KIF26B: variants seen among roughly 807,000 people sequenced by gnomAD.
KIF26B encodes the protein kinesin family member 26B, also known as kinesin-like protein KIF26B.
A neutral mutation model predicts 151.2 loss-of-function variants in KIF26B; 63 were observed. That is an observed-to-expected ratio of 0.42 (90% CI 0.34 to 0.51). KIF26B has a LOEUF of 0.51. KIF26B is among the 20% of genes least tolerant of loss of function. The pLI is 0.07. For synonymous variants in KIF26B, 1,357 were observed against 1,262.1 expected (o/e 1.08, Z -1.59); for missense variants, 2,813 against 2,913.6 (o/e 0.97, Z 0.79).
At chr1:245,632,711 C>A (rs1435966521) in intron 9 of KIF26B, among the ~76,000 whole-genome samples, 1 of 152,116 alleles carries the variant, frequency 6.6e-6, no homozygotes, top group African/African-American at 2.4e-5. Flanking sequence ...AGTTTGAGAC[C>A]AGCCTGGGCA....
Position 245,688,571 on chromosome 1 carries a change from G to A in KIF26B, c.5588G>A (p.Cys1863Tyr). 1 of 1,559,300 alleles carries A rather than the reference G, an allele frequency of 6.4e-7. No homozygotes were observed. Among genetic ancestry groups the A allele is most frequent in the South Asian group, 1.2e-5 (1 of 84,646 alleles). Reference protein sequence around the residue: ...KITPPRRPHRCSSGHGSDNSS... With the variant: ...KITPPRRPHRYSSGHGSDNSS... ...ACGCCCCCGCGGAGGCCCCACCGCT[G>A]CAGCAGCGGCCACGGCAGCGACAAC... Residue 1863 changes from cysteine (C) to tyrosine (Y), a missense_variant, in exon 12 of 15, where the codon TGC becomes TAC. Coordinates refer to ENST00000407071, the MANE Select transcript of KIF26B (RefSeq NM_018012.4).
intron 12 of KIF26B, among the ~76,000 whole-genome samples, chr1:245,696,961 A>C (rs2044703099): frequency 6.6e-6 from 1 of 152,136 alleles, no homozygotes; most frequent in Non-Finnish European, 1.5e-5. Flanking sequence ...AATACAAAAA[A>C]TTAGCCGTGC....
In KIF26B at chr1:245,688,233, C is replaced by G. The variant is rs768015358; in HGVS notation, c.5250C>G (p.Ala1750=). The G allele has an allele frequency of 1.9e-6, 3 of 1,589,226 alleles. No individual in the cohort carries two copies. The highest frequency in any genetic ancestry group is 2.6e-6 in the Non-Finnish European group (3 of 1,172,658). ...LASPRARGPS[A]STTKTLSFST... ...GCCCCAGAGCGCGCGGCCCGTCCGC[C>G]TCCACCACCAAAACCCTCAGCTTCT... Residue 1750 remains alanine, a synonymous_variant, in exon 12 of 15, where the codon GCC becomes GCG. Coordinates refer to ENST00000407071, the MANE Select transcript of KIF26B (RefSeq NM_018012.4).
chr1:245,431,703 T>G (rs1658785536), intron 4 of KIF26B, among the ~76,000 whole-genome samples: 1 of 152,176 alleles, frequency 6.6e-6, no homozygotes, highest in Non-Finnish European at 1.5e-5. Context: ...GGTCTTGAAC[T>G]CCTGACCTTG....
At chr1:245,425,229 G>T (rs957383760) in intron 4 of KIF26B, among the ~76,000 whole-genome samples, 3 of 152,112 alleles carry the variant, frequency 2.0e-5, no homozygotes, top group Admixed American at 2.0e-4. Context: ...AAAAACTCTT[G>T]GGTGAAACCC....
rs773203806 is a variant in KIF26B at position 245,688,659 on chromosome 1, C to T, written c.5676C>T (p.Ser1892=). 6.2e-6 allele frequency: 10 copies of T among 1,603,714 alleles called. No homozygotes were observed. In the East Asian group the frequency reaches 6.8e-5, roughly 11 times the overall value. ...GGAAGACGGCCCTGTTCTACCACAG[C>T]GGCGGCAGCAGCGGCTACGAGAGCG... is the stretch of plus-strand genomic sequence containing the variant. ...AMGKTALFYH[S]GGSSGYESVM... The change falls in exon 12 of 15, where the codon AGC becomes AGT. Residue 1892 remains serine (S), a synonymous_variant. Coordinates refer to ENST00000407071, the MANE Select transcript of KIF26B (RefSeq NM_018012.4).
intron 2 of KIF26B, among the ~76,000 whole-genome samples, chr1:245,216,523 T>G (rs1669651117): frequency 6.6e-6 from 1 of 152,218 alleles, no homozygotes; most frequent in African/African-American, 2.4e-5. Context: ...TCATTTATTT[T>G]CCTTTGAATG....
At chr1:245,334,922 T>C (rs952384816) in intron 2 of KIF26B, among the ~76,000 whole-genome samples, 1 of 152,258 alleles carries the variant, frequency 6.6e-6, no homozygotes, top group Middle Eastern at 3.5e-3. Context: ...TACACATGTA[T>C]TAGGTGTCGG....
chr1:245,500,445 T>G (rs1236519790), intron 4 of KIF26B, among the ~76,000 whole-genome samples: 1 of 152,252 alleles, frequency 6.6e-6, no homozygotes, highest in Non-Finnish European at 1.5e-5. Flanking sequence ...TACAGTACTT[T>G]GTAAAGTATA....
intron 2 of KIF26B, among the ~76,000 whole-genome samples, chr1:245,280,129 TCAG>T (rs1194242391): frequency 1.3e-5 from 2 of 152,124 alleles, no homozygotes; most frequent in East Asian, 3.9e-4. Flanking sequence ...GCGCCCCATT[TCAG>T]CAGAAGTAGC....
chr1:245,455,363 G>A (rs899711183), intron 4 of KIF26B, among the ~76,000 whole-genome samples: 4 of 152,036 alleles, frequency 2.6e-5, no homozygotes, highest in African/African-American at 9.7e-5. Flanking sequence ...AATTAGCTGG[G>A]GATGGTTACA....
intron 3 of KIF26B, among the ~76,000 whole-genome samples, chr1:245,402,674 A>C (rs909880262): frequency 3.3e-5 from 5 of 152,346 alleles, no homozygotes; most frequent in African/African-American, 1.2e-4. Context: ...CCTGAAATAT[A>C]AAAGACATAG....
chr1:245,675,391 G>C lies in KIF26B; in HGVS notation c.2259-8842G>C, dbSNP rs540158495. On this transcript the variant is annotated intron_variant, in intron 10 of 14. Transcript: ENST00000407071. ...ATGGTTGATCCTTCTCTTGCAACCA[G>C]CTTGGACCATATGACTATCAGGTAT... Among the ~76,000 whole-genome samples, 3 of 152,280 alleles carry C rather than the reference G, an allele frequency of 2.0e-5. No individual in the cohort carries two copies. In the East Asian group the frequency reaches 5.8e-4, roughly 29 times the overall value.
intron 2 of KIF26B, among the ~76,000 whole-genome samples, chr1:245,184,254 A>G (rs146841128): frequency 1.3e-5 from 2 of 151,760 alleles, no homozygotes; most frequent in East Asian, 3.9e-4. Context: ...CACTAATCAC[A>G]AAGGCAAATT....
chr1:245,622,033 C>CTGTCTTTGCCCTTTAATCTGTGG (rs1558240476), intron 9 of KIF26B, among the ~76,000 whole-genome samples: 1 of 152,224 alleles, frequency 6.6e-6, no homozygotes, highest in East Asian at 1.9e-4. Context: ...GAATTGGTCT[C>CTGTCTTTGCCCTTTAATCTGTGG]TGTCTTTGCC....
intron 5 of KIF26B, among the ~76,000 whole-genome samples, chr1:245,577,348 C>A (rs749937903): frequency 6.6e-6 from 1 of 152,098 alleles, no homozygotes; most frequent in African/African-American, 2.4e-5. Flanking sequence ...ATAACAGAGT[C>A]AGGCATAAGA....
chr1:245,570,219 A>G (rs745716024), intron 5 of KIF26B, among the ~76,000 whole-genome samples: 36 of 152,204 alleles, frequency 2.4e-4, no homozygotes, highest in Non-Finnish European at 3.5e-4. Context: ...TACAGGCGTG[A>G]GCCACCATGC....
intron 5 of KIF26B, among the ~76,000 whole-genome samples, chr1:245,574,685 G>C (rs895234089): frequency 6.6e-6 from 1 of 152,062 alleles, no homozygotes; most frequent in African/African-American, 2.4e-5. Context: ...GCAAAGGCCA[G>C]GCAAGGCACT....
intron 3 of KIF26B, among the ~76,000 whole-genome samples, chr1:245,383,370 G>A (rs1032781898): frequency 1.3e-5 from 2 of 152,144 alleles, no homozygotes; most frequent in Non-Finnish European, 2.9e-5. Flanking sequence ...GTAATCTCAT[G>A]ATGAATATCC....
Sources: gnomAD v4.1 joint callset for allele counts (sites outside exome capture counted in the v4.1 genomes callset) on GRCh38, gnomAD v4.1.1 for gene constraint, MANE v1.5 for transcripts, NCBI Gene and HGNC (gene_info 2026-07-23, HGNC 2026-07-21) for gene names.